SEMA3C: variants seen among roughly 807,000 people sequenced by gnomAD.
SEMA3C encodes semaphorin 3C.
SEMA3C carries 47 observed loss-of-function variants against 89.4 expected under a neutral mutation model. The ratio of observed to expected loss-of-function variants is 0.53; its 90% CI spans 0.42 to 0.67. SEMA3C has a LOEUF of 0.67. Ranked by LOEUF, SEMA3C falls within the 30% of genes least tolerant of loss-of-function variation. The probability of loss-of-function intolerance (pLI) is 0.00; values close to 1 mark genes in which losing one functional copy is unlikely to be tolerated. For synonymous variants in SEMA3C, 310 were observed against 320.2 expected (o/e 0.97, Z 0.34); for missense variants, 839 against 929.1 (o/e 0.90, Z 1.26).
chr7:80,917,808 G>C (rs1792313175), intron 1 of SEMA3C, among the ~76,000 whole-genome samples: 1 of 152,108 alleles, frequency 6.6e-6, no homozygotes, highest in Non-Finnish European at 1.5e-5. Context: ...TTACAACAAT[G>C]CTGATCTTCA....
At chr7:80,778,205 T>C (rs1025750615) in intron 12 of SEMA3C, among the ~76,000 whole-genome samples, 7 of 152,256 alleles carry the variant, frequency 4.6e-5, no homozygotes, top group African/African-American at 1.7e-4. Flanking sequence ...TTTAGGACTT[T>C]GTGAATTACT....
chr7:80,836,265 G>T (rs558264231), intron 2 of SEMA3C, among the ~76,000 whole-genome samples: 5 of 152,296 alleles, frequency 3.3e-5, no homozygotes, highest in African/African-American at 1.2e-4. Context: ...TCATGTAGAA[G>T]ACAGAAGGTT....
At chr7:80,818,131 A>G (rs1265535059) in intron 5 of SEMA3C, among the ~76,000 whole-genome samples, 168 bp downstream of exon 5, 1 of 152,110 alleles carries the variant, frequency 6.6e-6, no homozygotes, top group Non-Finnish European at 1.5e-5. Flanking sequence ...GCAAAAGGTG[A>G]TACTTCAAGT....
chr7:80,838,698 GA>G (rs1174584696), intron 2 of SEMA3C, among the ~76,000 whole-genome samples: 1 of 152,144 alleles, frequency 6.6e-6, no homozygotes, highest in Non-Finnish European at 1.5e-5. Flanking sequence ...CAATCATGGT[GA>G]ATGGCAAAGG....
chr7:80,914,441 G>T (rs1792223694), intron 2 of SEMA3C, among the ~76,000 whole-genome samples: 1 of 144,184 alleles, frequency 6.9e-6, no homozygotes, highest in Non-Finnish European at 1.6e-5. Context: ...TTGAACCAAG[G>T]TTTAAAATTT....
Position 80,805,624 on chromosome 7 carries a change from C to T in SEMA3C, c.658+15G>A, listed in dbSNP as rs2115688002. On this transcript the variant is annotated intron_variant, in intron 7 of 17. Transcript: ENST00000265361. ...ACACGATACTAAAAAATAAATGCAT[C>T]AAATGCTTTCTTACCACTTAGCCAT... The T allele has an allele frequency of 1.3e-6, 2 of 1,588,176 alleles. No homozygotes were observed. Among genetic ancestry groups the T allele is most frequent in the Admixed American group, 3.6e-5 (2 of 55,610 alleles).
intron 2 of SEMA3C, among the ~76,000 whole-genome samples, chr7:80,913,400 C>CA (rs929679347): frequency 2.0e-5 from 3 of 150,994 alleles, no homozygotes; most frequent in African/African-American, 7.3e-5. Flanking sequence ...GACTCTGTCT[C>CA]AAAAAAAAGG....
intron 2 of SEMA3C, among the ~76,000 whole-genome samples, chr7:80,877,881 G>A (rs1023491332): frequency 2.6e-5 from 4 of 152,076 alleles, no homozygotes; most frequent in African/African-American, 4.8e-5. Context: ...ACTGAAGAAG[G>A]CAAAACTCCT....
At chr7:80,771,291 G>C (rs2117073218) in intron 12 of SEMA3C, among the ~76,000 whole-genome samples, 1 of 152,292 alleles carries the variant, frequency 6.6e-6, no homozygotes, top group East Asian at 1.9e-4. Flanking sequence ...AGATAATAGA[G>C]ATACTCTAAA....
chr7:80,768,310 G>A (rs1213658433), intron 12 of SEMA3C, among the ~76,000 whole-genome samples: 7 of 152,024 alleles, frequency 4.6e-5, no homozygotes, highest in African/African-American at 1.5e-4. Context: ...TCAGGAGATC[G>A]AGACCATCCT....
chr7:80,748,242 T>C (rs1400026096), intron 17 of SEMA3C, among the ~76,000 whole-genome samples: 2 of 152,136 alleles, frequency 1.3e-5, no homozygotes, highest in Non-Finnish European at 2.9e-5. Context: ...ATTTACAAGG[T>C]ATCACCCTAT....
At chr7:80,915,129 T>G (rs1018175359) in intron 2 of SEMA3C, among the ~76,000 whole-genome samples, 1 of 152,222 alleles carries the variant, frequency 6.6e-6, no homozygotes, top group African/African-American at 2.4e-5. Flanking sequence ...GAAATTGCAC[T>G]ACTTCTTAAT....
At chr7:80,853,873 T>A (rs1790572628) in intron 2 of SEMA3C, among the ~76,000 whole-genome samples, 1 of 151,402 alleles carries the variant, frequency 6.6e-6, no homozygotes, top group South Asian at 2.1e-4. Context: ...TATCAAAATA[T>A]CTTATGTACC....
At chr7:80,872,888 G>A (rs1450249525) in intron 2 of SEMA3C, among the ~76,000 whole-genome samples, 3 of 144,326 alleles carry the variant, frequency 2.1e-5, no homozygotes, top group African/African-American at 7.7e-5. Flanking sequence ...CATAGCTTTT[G>A]GAAAACTCCA....
intron 12 of SEMA3C, among the ~76,000 whole-genome samples, chr7:80,788,580 A>G (rs554305140): frequency 1.1e-3 from 165 of 152,310 alleles, no homozygotes; most frequent in African/African-American, 3.9e-3. Context: ...CTGCTCTATA[A>G]CATACAATGC....
chr7:80,790,264 A>G (rs2115589216), intron 11 of SEMA3C, among the ~76,000 whole-genome samples: 1 of 152,190 alleles, frequency 6.6e-6, no homozygotes, highest in Non-Finnish European at 1.5e-5. Context: ...AGCCTGGGCA[A>G]CAGAGTGAAA....
At chr7:80,832,228 A>C (rs1236685317) in intron 2 of SEMA3C, among the ~76,000 whole-genome samples, 1 of 152,182 alleles carries the variant, frequency 6.6e-6, no homozygotes, top group East Asian at 1.9e-4. Flanking sequence ...GAGAGTACTC[A>C]ACTGGTGTCA....
At chr7:80,822,028 T>C (rs1162395400) in intron 4 of SEMA3C, among the ~76,000 whole-genome samples, 1 of 152,194 alleles carries the variant, frequency 6.6e-6, no homozygotes, top group African/African-American at 2.4e-5. Flanking sequence ...TTCTTTCCAT[T>C]TCCATTGTGC....
chr7:80,828,028 T>A (rs372191545), intron 3 of SEMA3C, among the ~76,000 whole-genome samples: 59 of 152,298 alleles, frequency 3.9e-4, no homozygotes, highest in African/African-American at 1.2e-3. Flanking sequence ...AGTTTGGCAA[T>A]AATCATTAAT....
Sources: gnomAD v4.1 joint callset for allele counts (sites outside exome capture counted in the v4.1 genomes callset) on GRCh38, gnomAD v4.1.1 for gene constraint, MANE v1.5 for transcripts, NCBI Gene and HGNC (gene_info 2026-07-23, HGNC 2026-07-21) for gene names.